The following ODF2 variants were observed in gnomAD, a reference collection of about 807,000 sequenced individuals.
ODF2 encodes outer dense fiber protein 2.
In ODF2, 47 loss-of-function variants were observed where a neutral mutation model predicts 110.2. The ratio of observed to expected loss-of-function variants is 0.43; its 90% CI spans 0.34 to 0.54. The LOEUF (loss-of-function observed/expected upper bound fraction) is 0.54. ODF2 is among the 20% of genes least tolerant of loss of function. The probability of loss-of-function intolerance (pLI) is 0.03; values close to 1 mark genes in which losing one functional copy is unlikely to be tolerated. For synonymous variants in ODF2, 352 were observed against 397.7 expected (o/e 0.89, Z 1.37); for missense variants, 812 against 1,054.5 (o/e 0.77, Z 3.19).
At chr9:128,484,168 C>T (rs1842946551) in intron 11 of ODF2, 114 bp downstream of exon 11, 1 of 747,502 alleles carries the variant, frequency 1.3e-6, no homozygotes. Flanking sequence ...GTTTCTGAGG[C>T]AGCTGATGAC....
At chr9:128,499,287 A>G (rs1397452464) in intron 20 of ODF2, among the ~76,000 whole-genome samples, 161 bp downstream of exon 20, 1 of 152,050 alleles carries the variant, frequency 6.6e-6, no homozygotes, top group African/African-American at 2.4e-5. Context: ...CTGGGTAGAT[A>G]TTTATTTATT....
In ODF2 at chr9:128,460,733, C is replaced by T. The variant is rs556127926; in HGVS notation, c.124-209C>T. On this transcript the variant is annotated intron_variant, in intron 3 of 20. Coordinates refer to ENST00000604420, the Ensembl canonical transcript of ODF2. ...GGGTGATCCTGCTAAGCCCAGCCTC[C>T]TCGCACTCTGACTCCAAAGGTTTGG... The T allele has an allele frequency of 3.1e-6, 5 of 1,590,268 alleles. No individual in the cohort carries two copies. The African/African-American group carries it at 4.0e-5, about 13-fold the overall frequency.
At chr9:128,462,215 G>A (rs1015296545) in intron 4 of ODF2, among the ~76,000 whole-genome samples, 1 of 149,394 alleles carries the variant, frequency 6.7e-6, no homozygotes. Flanking sequence ...GCAGTGGCGC[G>A]ATCTTGGCTC....
exon 2 of ODF2, chr9:128,457,373 A>G (rs980919405): frequency 1.2e-6 from 2 of 1,612,292 alleles, no homozygotes; most frequent in Non-Finnish European, 1.7e-6. Context: ...CTGCTGACCC[A>G]ATTGCCCACC....
intron 7 of ODF2, chr9:128,473,294 T>G (rs770614228): frequency 4.1e-6 from 4 of 974,506 alleles, no homozygotes; most frequent in Non-Finnish European, 4.9e-6. Context: ...AGTCAAGGCA[T>G]GTGGTTGATT....
intron 13 of ODF2, among the ~76,000 whole-genome samples, chr9:128,487,030 T>A (rs1843492584): frequency 6.6e-6 from 1 of 152,128 alleles, no homozygotes; most frequent in Non-Finnish European, 1.5e-5. Flanking sequence ...TCAAAGGGTA[T>A]CTTGGCCTTA....
chr9:128,456,939 T>C (rs1457907273), intron 1 of ODF2: 1 of 1,240,154 alleles, frequency 8.1e-7, no homozygotes, highest in Admixed American at 3.5e-5. Context: ...AGGAGACAGT[T>C]GTCCGGCCCC....
Position 128,494,739 on chromosome 9 carries a change from G to T in ODF2, c.1911+71G>T. On this transcript the variant is annotated intron_variant, in intron 17 of 20. Coordinates refer to ENST00000604420, the Ensembl canonical transcript of ODF2. The surrounding 1 kb of genome is among the most constrained non-coding windows in gnomAD (Gnocchi z 4.6). Reference sequence around the variant, plus strand: ...GCCCGCATACCAAGATGAGCTGCACGCCCCCCAAGGGAGGACTACTTCCTT... The same window carrying T: ...GCCCGCATACCAAGATGAGCTGCACTCCCCCCAAGGGAGGACTACTTCCTT... 1 of 1,613,710 alleles carries T rather than the reference G, an allele frequency of 6.2e-7. No homozygotes were observed.
At chr9:128,463,222 A>G (rs2131539849) in intron 4 of ODF2, among the ~76,000 whole-genome samples, 1 of 152,342 alleles carries the variant, frequency 6.6e-6, no homozygotes, top group East Asian at 1.9e-4. Context: ...TGATCATGCC[A>G]CTGCATAGCC....
At chr9:128,460,942 A>G in exon 4 of ODF2, 2 of 1,614,208 alleles carry the variant, frequency 1.2e-6, no homozygotes, top group South Asian at 1.1e-5. Flanking sequence ...CTTTCCACAG[A>G]AATCTCACAA....
intron 5 of ODF2, among the ~76,000 whole-genome samples, chr9:128,470,977 G>A (rs112210865): frequency 0.015 from 2,198 of 151,348 alleles, 20 homozygotes; most frequent in Middle Eastern, 0.031. Context: ...CAGTGGGCAC[G>A]ATCTCGGCTC....
At chr9:128,463,710 G>C (rs950234743) in intron 4 of ODF2, among the ~76,000 whole-genome samples, 1 of 152,210 alleles carries the variant, frequency 6.6e-6, no homozygotes, top group African/African-American at 2.4e-5. Flanking sequence ...ATGTATAAAC[G>C]CATATGTTTG....
intron 20 of ODF2, among the ~76,000 whole-genome samples, chr9:128,499,724 C>A (rs998885106): frequency 6.6e-6 from 1 of 152,116 alleles, no homozygotes; most frequent in Non-Finnish European, 1.5e-5. Flanking sequence ...GTCCTCCCAC[C>A]CCAGCCTCCT....
At chr9:128,456,553 A>C in intron 1 of ODF2, 1 of 1,527,348 alleles carries the variant, frequency 6.5e-7, no homozygotes, top group South Asian at 1.2e-5. Flanking sequence ...CTATGGGCAG[A>C]AACCGGTACC....
At chr9:128,484,952 G>A in intron 12 of ODF2, 66 bp downstream of exon 12, 2 of 1,537,710 alleles carry the variant, frequency 1.3e-6, no homozygotes, top group Non-Finnish European at 1.8e-6. Flanking sequence ...GCAGAGGGGT[G>A]GTCAGCCAGA....
At chr9:128,487,481 T>G (rs1359238916) in intron 13 of ODF2, among the ~76,000 whole-genome samples, 3 of 152,094 alleles carry the variant, frequency 2.0e-5, no homozygotes, top group African/African-American at 7.2e-5. Flanking sequence ...CACAAAGACC[T>G]GGGTTCTTTA....
chr9:128,473,106 G>A, intron 7 of ODF2, 64 bp downstream of exon 7: 1 of 1,607,584 alleles, frequency 6.2e-7, no homozygotes, highest in Admixed American at 1.7e-5. Flanking sequence ...GCTGCAGGCT[G>A]GGCAGGGTCT....
In ODF2 at chr9:128,485,982, C is replaced by G. The variant is rs1196087423; in HGVS notation, c.1400+508C>G. On this transcript the variant is annotated intron_variant, in intron 13 of 20. Transcript: ENST00000604420. The surrounding 1 kb of genome is among the most constrained non-coding windows in gnomAD (Gnocchi z 5.0). Reference sequence around the variant, plus strand: ...AGTGACTGAGCTGACACCTTTCTTGCCACTGGCGAACTGTGAATAGTGACC... The same window carrying G: ...AGTGACTGAGCTGACACCTTTCTTGGCACTGGCGAACTGTGAATAGTGACC... Among the ~76,000 whole-genome samples the G allele has an allele frequency of 2.6e-5, 4 of 152,138 alleles. No homozygotes were observed. Among genetic ancestry groups the G allele is most frequent in the Non-Finnish European group, 5.9e-5 (4 of 68,028 alleles).
At chr9:128,455,471 G>A, upstream of ODF2, 1 of 264,952 alleles carries the variant, frequency 3.8e-6, no homozygotes, top group Non-Finnish European at 7.2e-6. Context: ...GGAGAATGGC[G>A]TGAACCCGGG....
Sources: allele counts gnomAD v4.1 joint callset (sites outside exome capture counted in the v4.1 genomes callset), GRCh38; gene constraint gnomAD v4.1.1; non-coding constraint Gnocchi (gnomAD v3.1); transcripts MANE v1.5; gene names NCBI Gene and HGNC (gene_info 2026-07-23, HGNC 2026-07-21).